RRBP1: variants seen among roughly 807,000 people sequenced by gnomAD.
The protein encoded by RRBP1 is ribosome binding protein 1.
Under a neutral mutation model 165.2 loss-of-function variants are expected in RRBP1, and 94 were observed. That is an observed-to-expected ratio of 0.57 (90% CI 0.48 to 0.68). RRBP1 has a LOEUF of 0.68. RRBP1 is among the 30% of genes least tolerant of loss of function. The pLI is 0.00. For synonymous variants in RRBP1, 680 were observed against 714.5 expected (o/e 0.95, Z 0.77); for missense variants, 1,676 against 1,763.0 (o/e 0.95, Z 0.88).
chr20:17,644,363 G>C (rs755403470), intron 3 of RRBP1, among the ~76,000 whole-genome samples: 1 of 152,264 alleles, frequency 6.6e-6, no homozygotes, highest in East Asian at 1.9e-4. Flanking sequence ...TGAAATACGT[G>C]TATGTACATA....
intron 8 of RRBP1, 65 bp from the exon 9 acceptor site, chr20:17,630,026 G>T: frequency 5.2e-6 from 8 of 1,527,542 alleles, no homozygotes; most frequent in Non-Finnish European, 5.3e-6. Flanking sequence ...GCGGCTCTGC[G>T]GTGGAGGCGG....
chr20:17,627,565 C>A lies in RRBP1; in HGVS notation c.2867G>T (p.Arg956Ile). ...CAGCAGGGCCTCAATGGAACGGATT[C>A]TCTCTGTGAGCTGGGAGTTCTCCGC... ...ARAENSQLTE[R>I]IRSIEALLEA... The change falls in exon 10 of 25, where the codon AGA (arginine) becomes ATA (isoleucine). Residue 956 changes from arginine (R) to isoleucine (I), a missense_variant. This residue lies in a region of RRBP1 where 1,184 missense variants were observed against 1,167.1 expected (regional missense o/e 1.01). Transcript: ENST00000377813. The A allele has an allele frequency of 6.2e-7, 1 of 1,613,538 alleles. No individual in the cohort carries two copies. The highest frequency in any genetic ancestry group is 8.5e-7 in the Non-Finnish European group (1 of 1,179,930).
rs1046195588 is a variant in RRBP1 at position 17,613,892 on chromosome 20, C to T, written c.*290G>A. On this transcript the variant is annotated 3_prime_UTR_variant, in exon 25 of 25. Coordinates refer to ENST00000377813, the MANE Select transcript of RRBP1 (RefSeq NM_001365613.2). ...GACAGACCCCAGAGCGCCCGGCCTC[C>T]CACACACCCACGGGGCTGTCAGAGT... is the stretch of plus-strand genomic sequence containing the variant. 12 of 410,938 alleles carry T rather than the reference C, an allele frequency of 2.9e-5. No individual in the cohort carries two copies. Among genetic ancestry groups the T allele is most frequent in the African/African-American group, 2.4e-4 (12 of 50,056 alleles). The allele number at this position is 410,938 out of a possible 1,614,324, so 25.5% of individuals were successfully genotyped here. A position where few individuals can be genotyped will look rare whatever the true frequency, so the allele number is the denominator to read the frequency against.
Position 17,631,490 on chromosome 20 carries a change from A to G in RRBP1, c.2611-1529T>C, listed in dbSNP as rs578064284. On this transcript the variant is annotated intron_variant, in intron 8 of 24. Transcript: ENST00000377813. ...TCTTTGATGGAAACCACGGGCCTCCATCTTAAGACCTCAGGTGACAACTGT... is the reference window on the plus strand; with the variant it reads ...TCTTTGATGGAAACCACGGGCCTCCGTCTTAAGACCTCAGGTGACAACTGT... Among the ~76,000 whole-genome samples the G allele has an allele frequency of 3.3e-5, 5 of 152,384 alleles. No homozygotes were observed. The East Asian group carries it at 9.6e-4, about 29-fold the overall frequency.
intron 3 of RRBP1, among the ~76,000 whole-genome samples, chr20:17,654,709 C>T (rs2036618053): frequency 6.6e-6 from 1 of 152,190 alleles, no homozygotes; most frequent in Non-Finnish European, 1.5e-5. Context: ...ACTCTATAGC[C>T]TGTGCCATTA....
At chr20:17,649,168 C>A (rs1600759081) in intron 3 of RRBP1, among the ~76,000 whole-genome samples, 1 of 152,100 alleles carries the variant, frequency 6.6e-6, no homozygotes, top group South Asian at 2.1e-4. Context: ...GTCATAAGCC[C>A]CAGAGAGTTT....
At chr20:17,627,785 G>T in intron 9 of RRBP1, 103 bp from the exon 10 acceptor site, 1 of 1,143,962 alleles carries the variant, frequency 8.7e-7, no homozygotes, top group Non-Finnish European at 1.2e-6. Context: ...GGGCACCGAG[G>T]GCTTCCTCCT....
At chr20:17,647,647 G>A (rs530865335) in intron 3 of RRBP1, among the ~76,000 whole-genome samples, 2 of 152,310 alleles carry the variant, frequency 1.3e-5, no homozygotes, top group East Asian at 3.9e-4. Context: ...CTGAGCTGGT[G>A]GGAGAGAGGC....
chr20:17,642,139 G>T (rs2036375336), intron 4 of RRBP1, among the ~76,000 whole-genome samples: 1 of 152,246 alleles, frequency 6.6e-6, no homozygotes, highest in Non-Finnish European at 1.5e-5. Flanking sequence ...GACTGTCAAG[G>T]CCAAAGGCTT....
At chr20:17,651,071 T>C (rs1487320886) in intron 3 of RRBP1, among the ~76,000 whole-genome samples, 1 of 152,184 alleles carries the variant, frequency 6.6e-6, no homozygotes, top group Non-Finnish European at 1.5e-5. Context: ...TTCTGGGGAA[T>C]TTCCACTTCT....
intron 13 of RRBP1, among the ~76,000 whole-genome samples, chr20:17,624,121 G>A (rs1359925722): frequency 1.3e-5 from 2 of 152,206 alleles, no homozygotes; most frequent in Admixed American, 1.3e-4. Context: ...AGACCAGCAC[G>A]GAGAAGCCCA....
intron 5 of RRBP1, among the ~76,000 whole-genome samples, chr20:17,637,626 G>A (rs1407413312): frequency 6.6e-6 from 1 of 152,188 alleles, no homozygotes; most frequent in Non-Finnish European, 1.5e-5. Context: ...CCCCAGACCA[G>A]GACTATAGGG....
intron 14 of RRBP1, 34 bp downstream of exon 14, chr20:17,621,821 T>C (rs767513790): frequency 1.2e-6 from 2 of 1,611,856 alleles, no homozygotes; most frequent in South Asian, 2.2e-5. Context: ...CCCTGAGAAC[T>C]GTGAGGTCCC....
At chr20:17,668,277 C>T (rs1425610464) in intron 2 of RRBP1, among the ~76,000 whole-genome samples, 3 of 152,252 alleles carry the variant, frequency 2.0e-5, no homozygotes, top group Non-Finnish European at 4.4e-5. Flanking sequence ...GTTAGACCTA[C>T]ACTCCAGTCT....
intron 5 of RRBP1, among the ~76,000 whole-genome samples, chr20:17,636,987 C>T (rs529075673): frequency 2.0e-5 from 3 of 152,326 alleles, no homozygotes; most frequent in South Asian, 4.1e-4. Context: ...GTGGCAGATG[C>T]GGCAGGAACA....
chr20:17,627,448 C>G, intron 10 of RRBP1, 56 bp downstream of exon 10: 1 of 1,609,642 alleles, frequency 6.2e-7, no homozygotes, highest in Non-Finnish European at 8.5e-7. Flanking sequence ...GGCTAGTCCA[C>G]CCACCTGCTA....
chr20:17,617,257 T>C (rs1429388658), intron 20 of RRBP1, among the ~76,000 whole-genome samples: 1 of 152,222 alleles, frequency 6.6e-6, no homozygotes, highest in Non-Finnish European at 1.5e-5. Flanking sequence ...TGAGATAACA[T>C]TCTTGCCTAA....
At chr20:17,627,823 A>G in intron 9 of RRBP1, 141 bp from the exon 10 acceptor site, 3 of 775,216 alleles carry the variant, frequency 3.9e-6, no homozygotes, top group Middle Eastern at 2.5e-4. Flanking sequence ...GGGGCTCTTA[A>G]GACATACTAC....
At chr20:17,619,819 G>A (rs760088021) in intron 18 of RRBP1, 91 bp from the exon 19 acceptor site, 1 of 901,088 alleles carries the variant, frequency 1.1e-6, no homozygotes, top group Middle Eastern at 2.3e-4. Flanking sequence ...CCTGGGATAG[G>A]TGAGGCCTCT....
Sources: gnomAD v4.1 joint callset for allele counts (sites outside exome capture counted in the v4.1 genomes callset) on GRCh38, gnomAD v4.1.1 for gene constraint, gnomAD v4.1.1 regional missense constraint, MANE v1.5 for transcripts, NCBI Gene and HGNC (gene_info 2026-07-23, HGNC 2026-07-21) for gene names.